Variants in BOC observed in about 807,000 individuals in gnomAD.
BOC encodes BOC cell adhesion associated, oncogene regulated, also known as brother of CDO.
Under a neutral mutation model 112.0 loss-of-function variants are expected in BOC, and 76 were observed. The ratio of observed to expected loss-of-function variants is 0.68; its 90% CI spans 0.56 to 0.82. The LOEUF (loss-of-function observed/expected upper bound fraction) is 0.82, where lower values mean the gene tolerates loss of function less well. Ranked by LOEUF, BOC falls within the 40% of genes least tolerant of loss-of-function variation. The pLI is 0.00. For missense variants in BOC, 1,309 were observed against 1,511.7 expected, an observed-to-expected ratio of 0.87 and a Z score of 2.22; for synonymous variants, 580 against 599.8, an observed-to-expected ratio of 0.97 and a Z score of 0.48.
At chr3:113,280,242 C>A (rs1210788225) in intron 13 of BOC, among the ~76,000 whole-genome samples, 1 of 152,142 alleles carries the variant, frequency 6.6e-6, no homozygotes, top group Non-Finnish European at 1.5e-5. Flanking sequence ...GATCCCAACA[C>A]AACTGTTCAG....
chr3:113,286,579 C>A, intron 19 of BOC, 96 bp from the exon 20 acceptor site: 1 of 1,133,964 alleles, frequency 8.8e-7, no homozygotes, highest in Non-Finnish European at 1.2e-6. Flanking sequence ...GCCAGTGTAA[C>A]CACCTCCACC....
chr3:113,238,058 A>G (rs1943805757), intron 2 of BOC, among the ~76,000 whole-genome samples: 1 of 152,226 alleles, frequency 6.6e-6, no homozygotes, highest in South Asian at 2.1e-4. Context: ...ATGTTATATA[A>G]GGTGTGTGAG....
At chr3:113,280,916 G>A (rs1156910116) in intron 14 of BOC, 115 bp from the exon 15 acceptor site, 1 of 1,405,832 alleles carries the variant, frequency 7.1e-7, no homozygotes, top group Non-Finnish European at 9.8e-7. Flanking sequence ...CCGCCCCTGT[G>A]CCAGTCAGTG....
Position 113,279,842 on chromosome 3 carries a change from G to C in BOC, c.2042G>C (p.Arg681Pro). 1 of 1,607,890 alleles carries C rather than the reference G, an allele frequency of 6.2e-7. No homozygotes were observed. Among genetic ancestry groups the C allele is most frequent in the Non-Finnish European group, 8.5e-7 (1 of 1,176,798 alleles). ...GLEKGTSYKF[R>P]VRALNMLGES... Reference sequence around the variant, plus strand: ...TCACCAGGCACCTCCTACAAGTTTCGAGTCCGGGCTCTGAACATGCTGGGG... The same window carrying C: ...TCACCAGGCACCTCCTACAAGTTTCCAGTCCGGGCTCTGAACATGCTGGGG... Residue 681 changes from arginine (R) to proline (P), a missense_variant, in exon 13 of 20, where the codon CGA becomes CCA. Physicochemically the swap from Arg to Pro is moderately radical, Grantham distance 103. Transcript: ENST00000682979.
Position 113,284,538 on chromosome 3 carries a change from C to A in BOC, c.2860C>A (p.Gln954Lys), listed in dbSNP as rs1576515707. 1 of 1,613,764 alleles carries A rather than the reference C, an allele frequency of 6.2e-7. No individual in the cohort carries two copies. The highest frequency in any genetic ancestry group is 1.3e-5 in the African/African-American group (1 of 75,052). The change falls in exon 17 of 20, where the codon CAG becomes AAG. Residue 954 changes from glutamine (Q) to lysine (K), a missense_variant. Physicochemically the swap from Gln to Lys is moderately conservative, Grantham distance 53. Transcript: ENST00000682979. ...AGTGGGCTACCCGGGCATGAAGCCC[C>A]AGCAGCACTGCCCAGGCGAGCTTCA... ...AAVGYPGMKP[Q>K]QHCPGELQQQ...
chr3:113,215,389 G>A (rs1939161150), intron 1 of BOC, among the ~76,000 whole-genome samples: 1 of 152,152 alleles, frequency 6.6e-6, no homozygotes, highest in Admixed American at 6.5e-5. Flanking sequence ...TTAGGAAACT[G>A]GGGTTGGAAT....
chr3:113,259,422 T>G (rs1946573070), intron 4 of BOC, among the ~76,000 whole-genome samples: 1 of 152,232 alleles, frequency 6.6e-6, no homozygotes, highest in Admixed American at 6.5e-5. Context: ...AAGATTGATT[T>G]GCCGGCTTGA....
chr3:113,271,073 A>G (rs1028267440), intron 6 of BOC, 129 bp downstream of exon 6: 12 of 1,394,988 alleles, frequency 8.6e-6, no homozygotes, highest in Non-Finnish European at 1.2e-5. Context: ...GGCTTTGGCC[A>G]GGGGGACAGC....
chr3:113,273,499 T>G (rs1452257831), intron 8 of BOC, among the ~76,000 whole-genome samples, 158 bp downstream of exon 8: 2 of 152,220 alleles, frequency 1.3e-5, no homozygotes, highest in African/African-American at 4.8e-5. Flanking sequence ...GAAGTACAGA[T>G]TTTCACTAAT....
At position 113,278,769 on chromosome 3, in the gene BOC, A is replaced by C. The variant is rs1321195243; in HGVS notation, c.1802A>C (p.His601Pro). 2 of 1,554,796 alleles carry C rather than the reference A, an allele frequency of 1.3e-6. No individual in the cohort carries two copies. Among genetic ancestry groups the C allele is most frequent in the East Asian group, 2.4e-5 (1 of 41,146 alleles). Residue 601 changes from histidine to proline, a missense_variant, in exon 11 of 20, where the codon CAC (histidine) becomes CCC (proline). Coordinates refer to ENST00000682979, the MANE Select transcript of BOC (RefSeq NM_001378074.1). The surrounding 1 kb of genome is among the most constrained non-coding windows in gnomAD (Gnocchi z 4.2). ...CCCCAGAGCAGCAGCCAGCCAGACC[A>C]CGGCCGCCTCTCCCGTAAGCCGCTA... ...ASPQSSSQPD[H>P]GRLSPPEAPD...
chr3:113,229,905 C>G (rs1055509350), intron 2 of BOC, among the ~76,000 whole-genome samples: 1 of 152,206 alleles, frequency 6.6e-6, no homozygotes, highest in East Asian at 1.9e-4. Context: ...TCAACGCTGG[C>G]TGCACATTAC....
chr3:113,248,028 T>C (rs1249864036), intron 2 of BOC, among the ~76,000 whole-genome samples: 1 of 152,200 alleles, frequency 6.6e-6, no homozygotes, highest in Non-Finnish European at 1.5e-5. Context: ...GTCAAAGTCA[T>C]GAGGCAAAGG....
rs752313669 is a variant in BOC at position 113,278,179 on chromosome 3, G to T, written c.1627G>T (p.Gly543Trp). The change falls in exon 10 of 20, where the codon GGG becomes TGG. Residue 543 changes from glycine (G) to tryptophan (W), a missense_variant. Transcript: ENST00000682979. This position sits in a 1 kb window ranked among gnomAD's most constrained non-coding sequence, Gnocchi z 4.2. ...HRLTLTRLDPGSLYEVEMAAY... is the reference protein window; with the variant it reads ...HRLTLTRLDPWSLYEVEMAAY... ...CCTGACCCTCACCAGACTTGACCCC[G>T]GGAGCTTGTATGAAGTGGAGATGGC... 1 of 1,614,208 alleles carries T rather than the reference G, an allele frequency of 6.2e-7. No individual in the cohort carries two copies. Among genetic ancestry groups the T allele is most frequent in the Middle Eastern group, 1.6e-4 (1 of 6,062 alleles).
chr3:113,249,775 C>T lies in BOC; in HGVS notation c.-28C>T, dbSNP rs781178386. On this transcript the variant is annotated 5_prime_UTR_variant, in exon 3 of 20. The change creates a new upstream start codon in the 5' untranslated region. Coordinates refer to ENST00000682979, the MANE Select transcript of BOC (RefSeq NM_001378074.1). Reference sequence around the variant, plus strand: ...TGTGTGACCCTGGCGGCTTATGGGACGTTGGCTTCAGACCTTTGTGATACA... The same window carrying T: ...TGTGTGACCCTGGCGGCTTATGGGATGTTGGCTTCAGACCTTTGTGATACA... The T allele has an allele frequency of 2.8e-5, 45 of 1,587,226 alleles. No individual in the cohort carries two copies. The highest frequency in any genetic ancestry group is 1.8e-4 in the East Asian group (8 of 44,322).
rs1395480707 is a variant in BOC at position 113,270,923 on chromosome 3, A to G, written c.646A>G (p.Ser216Gly). The G allele has an allele frequency of 6.2e-7, 1 of 1,614,226 alleles. No individual in the cohort carries two copies. Residue 216 changes from serine to glycine, a missense_variant, in exon 6 of 20, where the codon AGC becomes GGC. Transcript: ENST00000682979. Reference protein sequence around the residue: ...VTQEVKTSGSSDRLRVRRSTA... With the variant: ...VTQEVKTSGSGDRLRVRRSTA... Reference sequence around the variant, plus strand: ...CCAGGAAGTGAAAACCTCCGGCTCCAGCGACAGGCTACGTGTGCGCCGTAA... The same window carrying G: ...CCAGGAAGTGAAAACCTCCGGCTCCGGCGACAGGCTACGTGTGCGCCGTAA...
intron 4 of BOC, chr3:113,251,075 A>T: frequency 3.3e-6 from 2 of 612,440 alleles, no homozygotes; most frequent in Non-Finnish European, 5.8e-6. Context: ...AGAGAGGGGA[A>T]TTGGTCAGTG....
intron 2 of BOC, among the ~76,000 whole-genome samples, chr3:113,241,258 T>C (rs1439971426): frequency 6.6e-6 from 1 of 152,098 alleles, no homozygotes; most frequent in Non-Finnish European, 1.5e-5. Flanking sequence ...TGGCTAAATA[T>C]GAAGGTTTCT....
At chr3:113,220,638 C>G (rs1940433855) in intron 2 of BOC, among the ~76,000 whole-genome samples, 1 of 152,108 alleles carries the variant, frequency 6.6e-6, no homozygotes, top group Non-Finnish European at 1.5e-5. Flanking sequence ...AGTCTGGGGA[C>G]AAGGGATTCA....
chr3:113,217,263 C>T (rs985743263), intron 2 of BOC, among the ~76,000 whole-genome samples: 3 of 152,210 alleles, frequency 2.0e-5, no homozygotes, highest in Admixed American at 6.5e-5. Context: ...TGCCTGTAAT[C>T]GCAACACTTT....
Sources: allele counts gnomAD v4.1 joint callset (sites outside exome capture counted in the v4.1 genomes callset), GRCh38; gene constraint gnomAD v4.1.1; non-coding constraint Gnocchi (gnomAD v3.1); transcripts MANE v1.5; gene names NCBI Gene and HGNC (gene_info 2026-07-23, HGNC 2026-07-21).